The following KAT6B variants were observed in gnomAD, a reference collection of about 807,000 sequenced individuals.
KAT6B encodes lysine acetyltransferase 6B, also known as histone acetyltransferase KAT6B.
A neutral mutation model predicts 187.5 loss-of-function variants in KAT6B; 10 were observed. The observed-to-expected ratio is 0.05, with a 90% CI of 0.03 to 0.09. The LOEUF (loss-of-function observed/expected upper bound fraction) is 0.09. KAT6B is among the 10% of genes least tolerant of loss of function. KAT6B has a pLI of 1.00. For missense variants in KAT6B, 1,952 were observed against 2,558.9 expected, an observed-to-expected ratio of 0.76 and a Z score of 5.12; for synonymous variants, 861 against 926.8, an observed-to-expected ratio of 0.93 and a Z score of 1.29.
intron 3 of KAT6B, among the ~76,000 whole-genome samples, chr10:74,856,521 G>GTTGTC (rs770814652): frequency 9.2e-5 from 14 of 152,170 alleles, no homozygotes; most frequent in South Asian, 2.1e-4. Flanking sequence ...GTCTAGGGTA[G>GTTGTC]TTGTCTTGTA....
rs1401876937 is a variant in KAT6B at position 74,977,357 on chromosome 10, G to A, written c.2035G>A (p.Val679Ile). The change falls in exon 9 of 18, where the codon GTA becomes ATA. Residue 679 changes from valine (V) to isoleucine (I), a missense_variant. Transcript: ENST00000287239. Reference protein sequence around the residue: ...KINIKQESADVNVIGNKDVVT... With the variant: ...KINIKQESADINVIGNKDVVT... The stretch of plus-strand genomic sequence containing the variant: ...AAACATCAAACAAGAAAGTGCAGAT[G>A]TAAATGTGATTGGAAACAAGGATGT... 1 of 1,613,748 alleles carries A rather than the reference G, an allele frequency of 6.2e-7. No homozygotes were observed. The highest frequency in any genetic ancestry group is 8.5e-7 in the Non-Finnish European group (1 of 1,179,718).
chr10:74,939,675 A>C (rs932672160), intron 3 of KAT6B, among the ~76,000 whole-genome samples: 1 of 152,246 alleles, frequency 6.6e-6, no homozygotes, highest in Non-Finnish European at 1.5e-5. Context: ...CTGGGATTAC[A>C]GGCGTGAGCC....
Position 74,891,952 on chromosome 10 carries a change from C to T in KAT6B, c.621+48474C>T, listed in dbSNP as rs1273221514. 2.6e-5 allele frequency among the ~76,000 whole-genome samples: 4 copies of T among 152,196 alleles called. No individual in the cohort carries two copies. The East Asian group carries it at 7.7e-4, about 29-fold the overall frequency. ...AGGTTCTACCTTCTGCTGTGGAAGC[C>T]AGCAGAGTTCAAATGGGCATTTTCT... On this transcript the variant is annotated intron_variant, in intron 3 of 17. Coordinates refer to ENST00000287239, the MANE Select transcript of KAT6B (RefSeq NM_012330.4).
chr10:75,010,453 T>C (rs943895611), intron 13 of KAT6B, among the ~76,000 whole-genome samples: 38 of 152,254 alleles, frequency 2.5e-4, no homozygotes, highest in African/African-American at 8.2e-4. Context: ...TCTCATTTTT[T>C]CTTTCTTCAA....
At chr10:74,973,308 G>A (rs1841960892) in intron 7 of KAT6B, among the ~76,000 whole-genome samples, 1 of 152,210 alleles carries the variant, frequency 6.6e-6, no homozygotes, top group South Asian at 2.1e-4. Flanking sequence ...GCATTTAGCA[G>A]GAGTTAGTTG....
intron 3 of KAT6B, among the ~76,000 whole-genome samples, chr10:74,893,637 T>C (rs999930801): frequency 1.3e-5 from 2 of 151,122 alleles, no homozygotes; most frequent in African/African-American, 4.9e-5. Flanking sequence ...GCCCAGCTAA[T>C]TTTTGTATTT....
At chr10:75,027,014 T>G (rs2134217161) in intron 17 of KAT6B, among the ~76,000 whole-genome samples, 1 of 152,264 alleles carries the variant, frequency 6.6e-6, no homozygotes, top group East Asian at 1.9e-4. Context: ...GATGCATGCC[T>G]GTAAGTCCCA....
chr10:74,958,977 G>A (rs577959834), intron 3 of KAT6B, among the ~76,000 whole-genome samples: 2 of 152,048 alleles, frequency 1.3e-5, no homozygotes, highest in African/African-American at 4.8e-5. Flanking sequence ...GGCAGAGGTT[G>A]CAGTGAGCCA....
intron 7 of KAT6B, 121 bp from the exon 8 acceptor site, chr10:74,975,277 CA>C: frequency 1.2e-6 from 1 of 809,328 alleles, no homozygotes; most frequent in South Asian, 1.5e-5. Context: ...GTGGCACACA[CA>C]AAAAATACAG....
At chr10:74,832,449 A>AC (rs1840929885) in intron 1 of KAT6B, among the ~76,000 whole-genome samples, 1 of 150,018 alleles carries the variant, frequency 6.7e-6, no homozygotes, top group South Asian at 2.1e-4. Flanking sequence ...ACATAGGGAG[A>AC]CCCCCGCCTC....
chr10:74,908,142 T>G (rs1038109632), intron 3 of KAT6B, among the ~76,000 whole-genome samples: 4 of 152,152 alleles, frequency 2.6e-5, no homozygotes, highest in African/African-American at 9.7e-5. Context: ...AACCAGCACA[T>G]TCAGCTTCTT....
At chr10:74,901,306 T>C (rs2132766479) in intron 3 of KAT6B, among the ~76,000 whole-genome samples, 1 of 152,356 alleles carries the variant, frequency 6.6e-6, no homozygotes, top group Non-Finnish European at 1.5e-5. Flanking sequence ...TAACTGATTA[T>C]CTCTCACATT....
upstream of KAT6B, chr10:74,826,470 G>A (rs1840230661): frequency 6.5e-6 from 1 of 153,090 alleles, no homozygotes; most frequent in African/African-American, 2.4e-5. Context: ...CTGCAGAGTG[G>A]TTAGTGAGTG....
intron 3 of KAT6B, among the ~76,000 whole-genome samples, chr10:74,873,078 T>G (rs1186423865): frequency 6.6e-6 from 1 of 152,150 alleles, no homozygotes; most frequent in Non-Finnish European, 1.5e-5. Flanking sequence ...AAAAGAGAGA[T>G]AAAGCAAAAG....
At chr10:74,952,165 G>A (rs1476061892) in intron 3 of KAT6B, among the ~76,000 whole-genome samples, 1 of 152,114 alleles carries the variant, frequency 6.6e-6, no homozygotes, top group Non-Finnish European at 1.5e-5. Context: ...GATGGCCTGG[G>A]AAATGTTGCG....
intron 17 of KAT6B, 164 bp downstream of exon 17, chr10:75,025,413 CCCTTCTT>C (rs1167488826): frequency 6.1e-6 from 4 of 656,888 alleles, no homozygotes; most frequent in Non-Finnish European, 1.0e-5. Flanking sequence ...AAGCTTCTCT[CCCTTCTT>C]CCTGGAATTG....
intron 3 of KAT6B, among the ~76,000 whole-genome samples, chr10:74,868,606 T>A (rs144433239): frequency 0.01 from 1,527 of 152,314 alleles, 31 homozygotes; most frequent in Non-Finnish European, 8.4e-3. Flanking sequence ...CAGTGATTGA[T>A]GAGGAACTGT....
chr10:74,932,497 A>G (rs1848956014), intron 3 of KAT6B, among the ~76,000 whole-genome samples: 1 of 152,206 alleles, frequency 6.6e-6, no homozygotes, highest in Non-Finnish European at 1.5e-5. Flanking sequence ...AACCTTTCAG[A>G]AAATTTTTGT....
At chr10:74,905,338 A>G (rs944822697) in intron 3 of KAT6B, among the ~76,000 whole-genome samples, 2 of 152,228 alleles carry the variant, frequency 1.3e-5, no homozygotes, top group African/African-American at 4.8e-5. Flanking sequence ...AACCGTCAAG[A>G]AATGGGCAAT....
Sources: gnomAD v4.1 joint callset for allele counts (sites outside exome capture counted in the v4.1 genomes callset) on GRCh38, gnomAD v4.1.1 for gene constraint, MANE v1.5 for transcripts, NCBI Gene and HGNC (gene_info 2026-07-23, HGNC 2026-07-21) for gene names.